MIER1: variants seen among roughly 807,000 people sequenced by gnomAD.
The protein encoded by MIER1 is MIER1 transcriptional regulator, also known as mesoderm induction early response protein 1.
A neutral mutation model predicts 75.7 loss-of-function variants in MIER1; 40 were observed. The ratio of observed to expected loss-of-function variants is 0.53; its 90% CI spans 0.41 to 0.69. The LOEUF (loss-of-function observed/expected upper bound fraction) is 0.69. MIER1 is among the 30% of genes least tolerant of loss of function. The pLI is 0.00. For synonymous variants in MIER1, 213 were observed against 223.4 expected, an observed-to-expected ratio of 0.95 and a Z score of 0.42; for missense variants, 574 against 680.2, an observed-to-expected ratio of 0.84 and a Z score of 1.74.
intron 2 of MIER1, among the ~76,000 whole-genome samples, chr1:66,937,025 AAAAG>A (rs1363059548): frequency 4.0e-5 from 6 of 151,348 alleles, no homozygotes; most frequent in Admixed American, 1.3e-4. Flanking sequence ...AAAAAAGAGA[AAAAG>A]AAAAAAGTGA....
chr1:66,975,983 C>CTTTT (rs202162173), intron 11 of MIER1, among the ~76,000 whole-genome samples: 3 of 141,830 alleles, frequency 2.1e-5, no homozygotes, highest in African/African-American at 7.7e-5. Context: ...ACTTCCAGGC[C>CTTTT]TTTTTTTTGT....
At chr1:66,978,035 A>G (rs963728566) in intron 12 of MIER1, among the ~76,000 whole-genome samples, 3 of 151,998 alleles carry the variant, frequency 2.0e-5, no homozygotes, top group African/African-American at 7.3e-5. Flanking sequence ...CATATCTACT[A>G]AAAATACAAA....
intron 2 of MIER1, among the ~76,000 whole-genome samples, chr1:66,934,465 G>A (rs1371872641): frequency 6.8e-6 from 1 of 147,424 alleles, no homozygotes; most frequent in African/African-American, 2.5e-5. Flanking sequence ...GTGCAGTGGC[G>A]CAAATCATAG....
At chr1:66,940,097 T>C (rs757877455) in intron 3 of MIER1, 45 bp downstream of exon 3, 2 of 1,435,926 alleles carry the variant, frequency 1.4e-6, no homozygotes, top group Non-Finnish European at 2.0e-6. Context: ...TGAGTAACAT[T>C]TGTCCTACTA....
chr1:66,954,521 A>G (rs1659685755), intron 4 of MIER1, among the ~76,000 whole-genome samples: 1 of 152,044 alleles, frequency 6.6e-6, no homozygotes, highest in African/African-American at 2.4e-5. Flanking sequence ...TGTACCATAC[A>G]TTTGTCATTT....
At chr1:66,930,657 G>A (rs1653010815) in intron 2 of MIER1, among the ~76,000 whole-genome samples, 1 of 151,930 alleles carries the variant, frequency 6.6e-6, no homozygotes, top group Non-Finnish European at 1.5e-5. Flanking sequence ...GTAGTGCGGT[G>A]CGAGGGGGAG....
intron 2 of MIER1, among the ~76,000 whole-genome samples, chr1:66,931,870 C>T (rs1653468588): frequency 6.6e-6 from 1 of 151,952 alleles, no homozygotes; most frequent in Non-Finnish European, 1.5e-5. Flanking sequence ...TCAGTGGACC[C>T]CTTTCAGTGA....
At chr1:66,925,235 G>C (rs1651233484) in intron 1 of MIER1, 140 bp downstream of exon 1, 2 of 1,357,076 alleles carry the variant, frequency 1.5e-6, no homozygotes, top group African/African-American at 1.5e-5. Context: ...AACTTCCGGG[G>C]AGGGGCTGCC....
chr1:66,938,540 T>A (rs1194092696), intron 2 of MIER1, among the ~76,000 whole-genome samples: 2 of 152,132 alleles, frequency 1.3e-5, no homozygotes, highest in Non-Finnish European at 2.9e-5. Context: ...ATGTAATAAT[T>A]TGTGTGGTGG....
In MIER1 at chr1:66,961,780, T is replaced by C. The variant is rs190666115; in HGVS notation, c.700-1308T>C. On this transcript the variant is annotated intron_variant, in intron 7 of 13. Coordinates refer to ENST00000401041, the MANE Select transcript of MIER1 (RefSeq NM_001077700.3). Reference sequence around the variant, plus strand: ...TTAAAAGAGGCACAAGATGTGACAATAAAGGACTCTTTTTATAGTAGAAGA... The same window carrying C: ...TTAAAAGAGGCACAAGATGTGACAACAAAGGACTCTTTTTATAGTAGAAGA... Among the ~76,000 whole-genome samples the C allele has an allele frequency of 5.3e-5, 8 of 152,340 alleles. No individual in the cohort carries two copies. The East Asian group carries it at 1.4e-3, about 26-fold the overall frequency.
chr1:66,977,864 A>G (rs371552363), intron 12 of MIER1, among the ~76,000 whole-genome samples: 80 of 152,322 alleles, frequency 5.3e-4, no homozygotes, highest in Non-Finnish European at 4.4e-4. Context: ...AATGTACTCC[A>G]GTAAAGATGT....
At chr1:66,925,272 C>G in intron 1 of MIER1, 177 bp downstream of exon 1, 1 of 984,140 alleles carries the variant, frequency 1.0e-6, no homozygotes, top group Non-Finnish European at 1.2e-6. Context: ...TTGCTCTCCG[C>G]CGGCTGCCAA....
chr1:66,972,516 G>A (rs1478147221), intron 10 of MIER1, among the ~76,000 whole-genome samples: 1 of 151,712 alleles, frequency 6.6e-6, no homozygotes, highest in Admixed American at 6.6e-5. Context: ...TATTTTTGTT[G>A]GGATGCAAAA....
intron 2 of MIER1, among the ~76,000 whole-genome samples, chr1:66,927,083 A>G (rs1049771962): frequency 6.6e-6 from 1 of 152,176 alleles, no homozygotes; most frequent in East Asian, 1.9e-4. Context: ...TTAAAAGCAT[A>G]ATAATAACTG....
At chr1:66,972,791 A>G in intron 10 of MIER1, 106 bp from the exon 11 acceptor site, 1 of 619,776 alleles carries the variant, frequency 1.6e-6, no homozygotes, top group Non-Finnish European at 2.9e-6. Flanking sequence ...CAGGAGTAAA[A>G]TGCTTCCCTC....
rs1362476262 is a variant in MIER1, at chr1:66,946,134, A to C, written c.194-16A>C. On this transcript the variant is annotated splice_polypyrimidine_tract_variant and intron_variant, in intron 3 of 13. Coordinates refer to ENST00000401041, the MANE Select transcript of MIER1 (RefSeq NM_001077700.3). Reference sequence around the variant, plus strand: ...TTAATTTGGTTTACCAAACTTTTTGAAATATTCCTTACCAGGAGGTTCAGC... The same window carrying C: ...TTAATTTGGTTTACCAAACTTTTTGCAATATTCCTTACCAGGAGGTTCAGC... 1 of 1,586,798 alleles carries C rather than the reference A, an allele frequency of 6.3e-7. No homozygotes were observed. The highest frequency in any genetic ancestry group is 8.5e-7 in the Non-Finnish European group (1 of 1,172,978).
chr1:66,967,728 T>A (rs1027867010), intron 8 of MIER1, among the ~76,000 whole-genome samples: 2 of 152,060 alleles, frequency 1.3e-5, no homozygotes, highest in Non-Finnish European at 2.9e-5. Flanking sequence ...CTTCTTCGGT[T>A]AATTTCTAGG....
intron 2 of MIER1, 41 bp from the exon 3 acceptor site, chr1:66,939,987 A>T: frequency 6.6e-7 from 1 of 1,519,574 alleles, no homozygotes; most frequent in Non-Finnish European, 9.1e-7. Flanking sequence ...AAGATACATT[A>T]TACAGAAATA....
At position 66,986,425 on chromosome 1, in the gene MIER1, A is replaced by C. The variant is rs1274838610; in HGVS notation, c.*1525A>C. 1.5e-5 allele frequency: 25 copies of C among 1,613,196 alleles called. No homozygotes were observed. ...CAGGCATACTCCAAATGCTTCTTCC[A>C]GTTCATTTTTCAGCCATCAGTTCAA... On this transcript the variant is annotated 3_prime_UTR_variant, in exon 14 of 14. Transcript: ENST00000401041.
Sources: allele counts gnomAD v4.1 joint callset (sites outside exome capture counted in the v4.1 genomes callset), GRCh38; gene constraint gnomAD v4.1.1; transcripts MANE v1.5; gene names NCBI Gene and HGNC (gene_info 2026-07-23, HGNC 2026-07-21).